The following ESYT3 variants were observed in gnomAD, a reference collection of about 807,000 sequenced individuals.
ESYT3 encodes extended synaptotagmin-3.
ESYT3 carries 101 observed loss-of-function variants against 111.5 expected under a neutral mutation model. The ratio of observed to expected loss-of-function variants is 0.91; its 90% CI spans 0.77 to 1.07. The LOEUF is 1.07. ESYT3 is among the 50% of genes least tolerant of loss of function. ESYT3 has a pLI of 0.00. For missense variants in ESYT3, 1,097 were observed against 1,109.4 expected, an observed-to-expected ratio of 0.99 and a Z score of 0.16; for synonymous variants, 416 against 446.8, an observed-to-expected ratio of 0.93 and a Z score of 0.87.
At chr3:138,449,098 T>TTTTG (rs1438149422) in intron 1 of ESYT3, among the ~76,000 whole-genome samples, 1 of 147,630 alleles carries the variant, frequency 6.8e-6, no homozygotes, top group African/African-American at 2.5e-5. Flanking sequence ...TTTTTTTTTT[T>TTTTG]TTTTGAGATG....
At chr3:138,455,695 C>T (rs958679155) in intron 3 of ESYT3, among the ~76,000 whole-genome samples, 2 of 152,246 alleles carry the variant, frequency 1.3e-5, no homozygotes, top group African/African-American at 4.8e-5. Flanking sequence ...CCGGTGAACA[C>T]ACGCTCACAG....
chr3:138,459,447 A>G (rs984485914), intron 5 of ESYT3, among the ~76,000 whole-genome samples, 194 bp downstream of exon 5: 16 of 152,290 alleles, frequency 1.1e-4, no homozygotes, highest in African/African-American at 3.1e-4. Flanking sequence ...CCAACCCACT[A>G]CTGTGCTCTA....
intron 7 of ESYT3, 89 bp from the exon 8 acceptor site, chr3:138,461,996 TG>T (rs2032667185): frequency 3.8e-6 from 6 of 1,590,848 alleles, no homozygotes; most frequent in African/African-American, 1.3e-5. Flanking sequence ...CCTACCAATC[TG>T]GGCTCCTGGT....
intron 1 of ESYT3, among the ~76,000 whole-genome samples, chr3:138,447,723 CA>C (rs756973686): frequency 7.2e-5 from 11 of 152,064 alleles, no homozygotes; most frequent in Non-Finnish European, 1.3e-4. Context: ...AAAAAATATA[CA>C]GGACTTTTAG....
intron 1 of ESYT3, among the ~76,000 whole-genome samples, chr3:138,439,425 G>A (rs549578385): frequency 6.6e-6 from 1 of 152,226 alleles, no homozygotes; most frequent in South Asian, 2.1e-4. Flanking sequence ...TGTGCTGCCC[G>A]CGCTAGAGCT....
At chr3:138,451,320 A>G (rs2031910827) in intron 1 of ESYT3, among the ~76,000 whole-genome samples, 1 of 152,146 alleles carries the variant, frequency 6.6e-6, no homozygotes, top group Admixed American at 6.5e-5. Context: ...TCTGGGAGCC[A>G]AGGTGGGCAG....
In ESYT3 at chr3:138,440,858, G is replaced by A. The variant is rs371811153; in HGVS notation, c.327+5733G>A. On this transcript the variant is annotated intron_variant, in intron 1 of 22. Transcript: ENST00000389567. The surrounding 1 kb of genome is among the most constrained non-coding windows in gnomAD (Gnocchi z 4.2). Reference sequence around the variant, plus strand: ...TATACTCACTCAGCAAGCATTTATCGAGAACTTGCAGTGTGTCAGGCACAG... The same window carrying A: ...TATACTCACTCAGCAAGCATTTATCAAGAACTTGCAGTGTGTCAGGCACAG... 1.3e-5 allele frequency among the ~76,000 whole-genome samples: 2 copies of A among 152,210 alleles called. No individual in the cohort carries two copies. The highest frequency in any genetic ancestry group is 6.5e-5 in the Admixed American group (1 of 15,292).
rs1252979966 is a variant in ESYT3, at chr3:138,468,829, T to C, written c.1382T>C (p.Phe461Ser). 1.2e-6 allele frequency: 2 copies of C among 1,614,218 alleles called. No homozygotes were observed. Among genetic ancestry groups the C allele is most frequent in the Non-Finnish European group, 1.7e-6 (2 of 1,180,042 alleles). ...ATTCCTGTGCTGCAGAGAAACCCTT[T>C]TGACTACCTGAATGGTGAATATCGA... The part of the protein sequence containing the change: ...ESACNLPRNP[F>S]DYLNGEYRAK... The change falls in exon 14 of 23, where the codon TTT (phenylalanine) becomes TCT (serine). Residue 461 changes from phenylalanine (F) to serine (S), a missense_variant. By Grantham distance (155) the Phe-to-Ser change is radical. Transcript: ENST00000389567.
intron 1 of ESYT3, among the ~76,000 whole-genome samples, chr3:138,437,334 A>G (rs979064489): frequency 6.6e-6 from 1 of 152,166 alleles, no homozygotes; most frequent in African/African-American, 2.4e-5. Context: ...TCTCCTTGAC[A>G]AGGACCTGGG....
At chr3:138,469,584 G>A in intron 15 of ESYT3, 80 bp downstream of exon 15, 1 of 1,208,410 alleles carries the variant, frequency 8.3e-7, no homozygotes, top group Non-Finnish European at 1.2e-6. Flanking sequence ...AAAGGGAGGG[G>A]AATTAACTTA....
In ESYT3 at chr3:138,473,544, A is replaced by C; in HGVS notation, c.2246A>C (p.Asp749Ala). ...GGGCTCTTTCTTTACAGAGGTGGGG[A>C]CCTCAGGCGACGGCAGCTGGGTGAG... ...ADISLNIEGG[D>A]LRRRQLGEIQ... The change falls in exon 19 of 23, where the codon GAC becomes GCC. Residue 749 changes from aspartate to alanine, a missense_variant. Coordinates refer to ENST00000389567, the MANE Select transcript of ESYT3 (RefSeq NM_031913.5). 6.2e-7 allele frequency: 1 copy of C among 1,613,294 alleles called. No homozygotes were observed. Among genetic ancestry groups the C allele is most frequent in the South Asian group, 1.1e-5 (1 of 91,054 alleles).
downstream of ESYT3, chr3:138,480,475 G>A (rs1477430629): frequency 6.6e-6 from 1 of 152,188 alleles, no homozygotes; most frequent in Non-Finnish European, 1.5e-5. Flanking sequence ...TCATGAGCAT[G>A]AAATCCAAGA....
chr3:138,458,492 A>G (rs924690640), intron 4 of ESYT3, among the ~76,000 whole-genome samples: 7 of 152,182 alleles, frequency 4.6e-5, no homozygotes, highest in Admixed American at 1.3e-4. Context: ...TTCAAGAGGC[A>G]CTCGGTTTTT....
At chr3:138,471,389 A>G (rs888270478) in intron 17 of ESYT3, among the ~76,000 whole-genome samples, 4 of 152,194 alleles carry the variant, frequency 2.6e-5, no homozygotes, top group African/African-American at 9.6e-5. Flanking sequence ...TTCTTTGGCT[A>G]TGCCTAGTTT....
intron 20 of ESYT3, among the ~76,000 whole-genome samples, chr3:138,475,089 C>G (rs1402159550): frequency 6.6e-6 from 1 of 152,162 alleles, no homozygotes; most frequent in Non-Finnish European, 1.5e-5. Context: ...CCTTCAAGAG[C>G]TACACTTTGA....
rs955962431 is a variant in ESYT3 at position 138,440,945 on chromosome 3, A to G, written c.327+5820A>G. On this transcript the variant is annotated intron_variant, in intron 1 of 22. Transcript: ENST00000389567. The surrounding 1 kb of genome is among the most constrained non-coding windows in gnomAD (Gnocchi z 4.2). ...TGCCCTTGAGGAACCCATGAGCTAG[A>G]TGGAGATTCAGACCTGCAAGGGCAG... Among the ~76,000 whole-genome samples the G allele has an allele frequency of 6.6e-6, 1 of 152,206 alleles. No individual in the cohort carries two copies. The highest frequency in any genetic ancestry group is 1.5e-5 in the Non-Finnish European group (1 of 68,034).
At chr3:138,469,935 C>T (rs2033130121) in intron 15 of ESYT3, 125 bp from the exon 16 acceptor site, 1 of 698,194 alleles carries the variant, frequency 1.4e-6, no homozygotes, top group Non-Finnish European at 2.3e-6. Flanking sequence ...GTGTTTGGGT[C>T]TGATCCCAGG....
chr3:138,473,924 T>C (rs1446200109), intron 19 of ESYT3, among the ~76,000 whole-genome samples: 1 of 152,160 alleles, frequency 6.6e-6, no homozygotes, highest in Non-Finnish European at 1.5e-5. Context: ...CAAGTGAGAA[T>C]CTCAAACTTC....
In ESYT3 at chr3:138,471,103, AAGCACCTGCTGTGTGCCTGGAAG is replaced by A. The variant is rs1165167240; in HGVS notation, c.1740+79_1740+101del. Reference sequence around the variant, plus strand: ...GAGCAAGGTGTACTGCCCCAGCACTAAGCACCTGCTGTGTGCCTGGAAGAAGCCAGGAGATGGATTCATGTTTT... The same window carrying A: ...GAGCAAGGTGTACTGCCCCAGCACTAAAGCCAGGAGATGGATTCATGTTTT... On this transcript the variant is annotated intron_variant, in intron 17 of 22. Transcript: ENST00000389567. The A allele has an allele frequency of 1.5e-5, 18 of 1,210,698 alleles. No individual in the cohort carries two copies. The African/African-American group carries it at 2.2e-4, about 15-fold the overall frequency. 75.0% of individuals were successfully genotyped at this position (1,210,698 alleles called of 1,614,324 possible). A position where few individuals can be genotyped will look rare whatever the true frequency, so the allele number is the denominator to read the frequency against.
Sources: allele counts gnomAD v4.1 joint callset (sites outside exome capture counted in the v4.1 genomes callset), GRCh38; gene constraint gnomAD v4.1.1; non-coding constraint Gnocchi (gnomAD v3.1); transcripts MANE v1.5; gene names NCBI Gene and HGNC (gene_info 2026-07-23, HGNC 2026-07-21).